Variants in EMP1 observed in about 807,000 individuals in gnomAD.
EMP1 encodes epithelial membrane protein 1.
EMP1 carries 5 observed loss-of-function variants against 15.7 expected under a neutral mutation model. That is an observed-to-expected ratio of 0.32 (90% CI 0.17 to 0.67). The LOEUF (loss-of-function observed/expected upper bound fraction) is 0.67. Among genes scored for constraint, EMP1 ranks in the 30% least tolerant of loss-of-function variants. EMP1 has a pLI of 0.74. For synonymous variants in EMP1, 78 were observed against 76.7 expected (o/e 1.02, Z -0.09); for missense variants, 166 against 194.2 (o/e 0.85, Z 0.86).
Position 13,216,285 on chromosome 12 carries a change from T to A in EMP1, c.*1594T>A. Reference sequence around the variant, plus strand: ...ATCCATTTCTTTTATACCTTTCCTTTTTGGGGAGTTGTTATGCCATGATTT... The same window carrying A: ...ATCCATTTCTTTTATACCTTTCCTTATTGGGGAGTTGTTATGCCATGATTT... On this transcript the variant is annotated 3_prime_UTR_variant, in exon 5 of 5. Transcript: ENST00000256951. 1.5e-6 allele frequency: 1 copy of A among 673,136 alleles called. No homozygotes were observed. 41.7% of individuals were successfully genotyped at this position (673,136 alleles called of 1,614,324 possible).
chr12:13,199,245 T>C (rs10772630), intron 1 of EMP1: 127,234 of 152,584 alleles, frequency 0.83, 54,032 homozygotes, highest in East Asian at 1. Context: ...GGACTCACTG[T>C]GCCTTCCTCA....
rs1004764103 is a variant in EMP1, at chr12:13,213,368, T to A, written c.79-111T>A. On this transcript the variant is annotated intron_variant, in intron 2 of 4. Transcript: ENST00000256951. Reference sequence around the variant, plus strand: ...TAAGCTGCATAGCCATAGTTATAGCTAAATAGAATGTCTTTATTAAAATCT... The same window carrying A: ...TAAGCTGCATAGCCATAGTTATAGCAAAATAGAATGTCTTTATTAAAATCT... The A allele has an allele frequency of 6.1e-6, 6 of 979,344 alleles. No homozygotes were observed. In the African/African-American group the frequency reaches 9.7e-5, roughly 16 times the overall value. The allele number at this position is 979,344 out of a possible 1,614,324, so 60.7% of individuals were successfully genotyped here.
intron 1 of EMP1, among the ~76,000 whole-genome samples, chr12:13,204,757 C>T (rs1213591987): frequency 1.3e-5 from 2 of 152,180 alleles, no homozygotes; most frequent in Non-Finnish European, 2.9e-5. Flanking sequence ...AGAAAGCTTT[C>T]TCCAAAGTTT....
chr12:13,202,993 A>G (rs1288648476), intron 1 of EMP1, among the ~76,000 whole-genome samples: 2 of 152,082 alleles, frequency 1.3e-5, no homozygotes, highest in African/African-American at 4.8e-5. Context: ...CTTCTTATCA[A>G]GGGGTTGGAC....
intron 1 of EMP1, among the ~76,000 whole-genome samples, chr12:13,210,955 T>C (rs1360093481): frequency 6.6e-6 from 1 of 152,256 alleles, no homozygotes; most frequent in Admixed American, 6.5e-5. Flanking sequence ...ATTCAGTATA[T>C]GGGCATTGAG....
chr12:13,206,964 G>C (rs929168238), intron 1 of EMP1, among the ~76,000 whole-genome samples: 4 of 149,928 alleles, frequency 2.7e-5, no homozygotes, highest in African/African-American at 9.9e-5. Flanking sequence ...TGTGTGTGTG[G>C]TGTGTAAGAG....
intron 1 of EMP1, among the ~76,000 whole-genome samples, chr12:13,198,503 G>A (rs1184974286): frequency 6.6e-6 from 1 of 152,352 alleles, no homozygotes; most frequent in East Asian, 1.9e-4. Context: ...CAAGGGGGAC[G>A]ATTGAGTAGG....
intron 1 of EMP1, among the ~76,000 whole-genome samples, chr12:13,205,688 G>T (rs1021760920): frequency 2.0e-5 from 3 of 152,154 alleles, no homozygotes; most frequent in Non-Finnish European, 4.4e-5. Flanking sequence ...AAATCTTAGG[G>T]CTGTCATCAG....
chr12:13,214,432 C>T (rs1864194604), intron 4 of EMP1, 102 bp from the exon 5 acceptor site: 1 of 1,497,126 alleles, frequency 6.7e-7, no homozygotes, highest in African/African-American at 1.4e-5. Context: ...AATTCATTTT[C>T]CTATTGCTAA....
In EMP1 at chr12:13,215,900, A is replaced by G. The variant is rs182583968; in HGVS notation, c.*1209A>G. 6.3e-6 allele frequency: 1 copy of G among 158,444 alleles called. No homozygotes were observed. Among genetic ancestry groups the G allele is most frequent in the African/African-American group, 2.4e-5 (1 of 41,612 alleles). 9.8% of individuals were successfully genotyped at this position (158,444 alleles called of 1,614,324 possible). A position where few individuals can be genotyped will look rare whatever the true frequency, so the allele number is the denominator to read the frequency against. On this transcript the variant is annotated 3_prime_UTR_variant, in exon 5 of 5. Transcript: ENST00000256951. ...GTATTAAGCCTACCGTATTTCAGCC[A>G]TGATAAGAACAGAGTGCCTGCATTC... is the stretch of plus-strand genomic sequence containing the variant.
At position 13,205,442 on chromosome 12, in the gene EMP1, A is replaced by G. The variant is rs144315087; in HGVS notation, c.-42-6027A>G. Among the ~76,000 whole-genome samples, 12 of 152,348 alleles carry G rather than the reference A, an allele frequency of 7.9e-5. No homozygotes were observed. The East Asian group carries it at 2.3e-3, about 29-fold the overall frequency. On this transcript the variant is annotated intron_variant, in intron 1 of 4. Coordinates refer to ENST00000256951, the MANE Select transcript of EMP1 (RefSeq NM_001423.3). ...AAGATGCTCAATACATAGTTGTAGT[A>G]AAGTATTAAGCAATTTCTGAAAAAT...
At chr12:13,204,777 C>T (rs1360700615) in intron 1 of EMP1, among the ~76,000 whole-genome samples, 1 of 152,134 alleles carries the variant, frequency 6.6e-6, no homozygotes, top group African/African-American at 2.4e-5. Flanking sequence ...TACAGTTATC[C>T]AGAAAGAGAT....
rs1168530163 is a variant in EMP1 at position 13,215,443 on chromosome 12, C to T, written c.*752C>T. ...CCTCTTGCTGAAAGCCAAGGCAGCT[C>T]TTCTGGAGTTTCTCTAAAGTCACTA... On this transcript the variant is annotated 3_prime_UTR_variant, in exon 5 of 5. Transcript: ENST00000256951. 2 of 152,224 alleles carry T rather than the reference C, an allele frequency of 1.3e-5. No individual in the cohort carries two copies. Among genetic ancestry groups the T allele is most frequent in the Non-Finnish European group, 2.9e-5 (2 of 68,066 alleles). The allele number at this position is 152,224 out of a possible 1,614,324, so 9.4% of individuals were successfully genotyped here. A position where few individuals can be genotyped will look rare whatever the true frequency, so the allele number is the denominator to read the frequency against.
Position 13,211,718 on chromosome 12 carries a change from A to G in EMP1, c.78+130A>G. 1.1e-6 allele frequency: 1 copy of G among 934,268 alleles called. No homozygotes were observed. The highest frequency in any genetic ancestry group is 2.2e-5 in the Admixed American group (1 of 46,190). 57.9% of individuals were successfully genotyped at this position (934,268 alleles called of 1,614,324 possible). A position where few individuals can be genotyped will look rare whatever the true frequency, so the allele number is the denominator to read the frequency against. On this transcript the variant is annotated intron_variant, in intron 2 of 4. Transcript: ENST00000256951. The surrounding 1 kb of genome is among the most constrained non-coding windows in gnomAD (Gnocchi z 4.7). ...TACAGCTCAGTTGTGGGAAAACAAA[A>G]TAAACACACGCTTGCCCTTCAAACA... is the stretch of plus-strand genomic sequence containing the variant.
intron 1 of EMP1, among the ~76,000 whole-genome samples, chr12:13,204,864 T>C (rs939415093): frequency 6.6e-6 from 1 of 152,230 alleles, no homozygotes; most frequent in African/African-American, 2.4e-5. Flanking sequence ...GACTGTGTTA[T>C]GACTTGACTG....
At chr12:13,200,683 A>G (rs1864057714) in intron 1 of EMP1, among the ~76,000 whole-genome samples, 1 of 152,138 alleles carries the variant, frequency 6.6e-6, no homozygotes, top group Non-Finnish European at 1.5e-5. Flanking sequence ...CATTTCCTTC[A>G]ATTTACCTGG....
At chr12:13,203,542 A>G (rs1431356092) in intron 1 of EMP1, among the ~76,000 whole-genome samples, 4 of 152,258 alleles carry the variant, frequency 2.6e-5, no homozygotes, top group Non-Finnish European at 2.9e-5. Context: ...TGCCTTTAGC[A>G]TAATTGTTGG....
At chr12:13,202,449 C>T (rs1231832516) in intron 1 of EMP1, among the ~76,000 whole-genome samples, 3 of 152,162 alleles carry the variant, frequency 2.0e-5, no homozygotes, top group Non-Finnish European at 2.9e-5. Flanking sequence ...TTCCCCAGGA[C>T]GCTGGAGAAG....
rs769574091 is a variant in EMP1, at chr12:13,214,585, G to A, written c.368G>A (p.Arg123His). 80 of 1,613,870 alleles carry A rather than the reference G, an allele frequency of 5.0e-5. No individual in the cohort carries two copies. The highest frequency in any genetic ancestry group is 1.7e-4 in the Admixed American group (10 of 59,982). ...VSIYTSHYAN[R>H]DGTQYHHGYS... ...ATCTACACTAGTCATTATGCGAATC[G>A]TGATGGAACGCAGTATCACCACGGC... is the stretch of plus-strand genomic sequence containing the variant. The change falls in exon 5 of 5, where the codon CGT becomes CAT. Residue 123 changes from arginine to histidine, a missense_variant. Transcript: ENST00000256951.
Sources: allele counts gnomAD v4.1 joint callset (sites outside exome capture counted in the v4.1 genomes callset), GRCh38; gene constraint gnomAD v4.1.1; non-coding constraint Gnocchi (gnomAD v3.1); transcripts MANE v1.5; gene names NCBI Gene and HGNC (gene_info 2026-07-23, HGNC 2026-07-21).